The following BIRC6 variants were observed in gnomAD, a reference collection of about 807,000 sequenced individuals.
The protein encoded by BIRC6 is dual E2 ubiquitin-conjugating enzyme/E3 ubiquitin-protein ligase BIRC6.
BIRC6 carries 98 observed loss-of-function variants against 503.3 expected under a neutral mutation model. That is an observed-to-expected ratio of 0.19 (90% CI 0.17 to 0.23). The LOEUF (loss-of-function observed/expected upper bound fraction) is 0.23. Ranked by LOEUF, BIRC6 falls within the 10% of genes least tolerant of loss-of-function variation. BIRC6 has a pLI of 1.00. For synonymous variants in BIRC6, 2,240 were observed against 2,078.7 expected (o/e 1.08, Z -2.11); for missense variants, 5,360 against 5,806.0 (o/e 0.92, Z 2.50).
At chr2:32,482,904 A>C (rs2050566536) in intron 39 of BIRC6, among the ~76,000 whole-genome samples, 1 of 151,926 alleles carries the variant, frequency 6.6e-6, no homozygotes, top group Admixed American at 6.6e-5. Context: ...TACATTAAAT[A>C]AGTATTATTT....
intron 1 of BIRC6, among the ~76,000 whole-genome samples, chr2:32,371,236 A>G (rs2035896314): frequency 1.3e-5 from 2 of 151,518 alleles, no homozygotes; most frequent in Admixed American, 1.3e-4. Flanking sequence ...AAAAAAAAAA[A>G]AAAAGGAAAT....
chr2:32,373,215 A>G (rs772975967), intron 1 of BIRC6, among the ~76,000 whole-genome samples: 8 of 151,774 alleles, frequency 5.3e-5, no homozygotes, highest in Non-Finnish European at 1.0e-4. Flanking sequence ...ACTTTTTTCT[A>G]TTTCTGCAGG....
intron 10 of BIRC6, among the ~76,000 whole-genome samples, chr2:32,417,135 CCTTTT>C (rs1246062634): frequency 3.3e-5 from 5 of 151,996 alleles, no homozygotes; most frequent in Admixed American, 2.6e-4. Context: ...CCATGCCAGG[CCTTTT>C]CTTTTCTTTC....
chr2:32,359,436 AGTGGT>A (rs1230524664), intron 1 of BIRC6, among the ~76,000 whole-genome samples: 2 of 152,320 alleles, frequency 1.3e-5, no homozygotes, highest in African/African-American at 4.8e-5. Context: ...TATTCACTTT[AGTGGT>A]AGATTACTAA....
intron 61 of BIRC6, among the ~76,000 whole-genome samples, chr2:32,538,787 C>T (rs2150180080): frequency 6.6e-6 from 1 of 152,246 alleles, no homozygotes; most frequent in Non-Finnish European, 1.5e-5. Context: ...TGATAATTAG[C>T]CAGCAGTGGT....
chr2:32,433,117 C>A (rs1409364567), intron 12 of BIRC6, among the ~76,000 whole-genome samples: 1 of 152,126 alleles, frequency 6.6e-6, no homozygotes, highest in Non-Finnish European at 1.5e-5. Context: ...CCTGAGTTCA[C>A]TGAAAAATGA....
chr2:32,543,667 T>C, intron 62 of BIRC6, 126 bp downstream of exon 62: 1 of 881,544 alleles, frequency 1.1e-6, no homozygotes, highest in South Asian at 1.7e-5. Context: ...TTGTAAGTGG[T>C]AGCTCACTTC....
At position 32,481,358 on chromosome 2, in the gene BIRC6, A is replaced by G; in HGVS notation, c.7447A>G (p.Ile2483Val). ...PLSSLEKDKE[I>V]DLELLQDLME... ...GTCCTCTTTGGAAAAAGATAAAGAA[A>G]TTGACCTTGAGTTACTTCAGGATCT... Residue 2483 changes from isoleucine (I) to valine (V), a missense_variant, in exon 38 of 74, where the codon ATT becomes GTT. Ile to Val is a conservative substitution (Grantham distance 29). Transcript: ENST00000421745. The G allele has an allele frequency of 6.2e-7, 1 of 1,610,674 alleles. No individual in the cohort carries two copies. The highest frequency in any genetic ancestry group is 8.5e-7 in the Non-Finnish European group (1 of 1,178,044).
intron 6 of BIRC6, among the ~76,000 whole-genome samples, chr2:32,398,702 T>G (rs1304051491): frequency 6.6e-6 from 1 of 152,164 alleles, no homozygotes; most frequent in Non-Finnish European, 1.5e-5. Flanking sequence ...AAAATTGATG[T>G]GGGTCTTTAG....
At chr2:32,441,922 C>A in intron 17 of BIRC6, 143 bp from the exon 18 acceptor site, 1 of 548,148 alleles carries the variant, frequency 1.8e-6, no homozygotes, top group Non-Finnish European at 2.9e-6. Context: ...AAATGAAATA[C>A]TTGACATATA....
intron 22 of BIRC6, among the ~76,000 whole-genome samples, chr2:32,452,964 A>G (rs1025566207): frequency 6.6e-6 from 1 of 152,014 alleles, no homozygotes; most frequent in Non-Finnish European, 1.5e-5. Context: ...TGTGTTTGAT[A>G]GTCCTTCAGC....
At chr2:32,422,810 A>G (rs1411189053) in intron 10 of BIRC6, among the ~76,000 whole-genome samples, 2 of 152,100 alleles carry the variant, frequency 1.3e-5, no homozygotes, top group Non-Finnish European at 2.9e-5. Flanking sequence ...TATACTTAGT[A>G]CTCCAATGTG....
intron 61 of BIRC6, among the ~76,000 whole-genome samples, chr2:32,539,510 A>G (rs908075791): frequency 1.6e-4 from 25 of 152,198 alleles, no homozygotes; most frequent in Admixed American, 1.6e-3. Context: ...TTAAATTGGA[A>G]ACCAATAGCG....
chr2:32,516,801 T>C (rs779064245), intron 55 of BIRC6, among the ~76,000 whole-genome samples: 13 of 152,146 alleles, frequency 8.5e-5, no homozygotes, highest in East Asian at 1.9e-4. Flanking sequence ...CTTGGGCATA[T>C]TGGTTAATCT....
intron 61 of BIRC6, among the ~76,000 whole-genome samples, chr2:32,535,878 T>C (rs531723686): frequency 5.3e-5 from 8 of 152,218 alleles, no homozygotes; most frequent in East Asian, 1.9e-4. Context: ...GAGGAATTGC[T>C]ACACTGACTT....
Position 32,377,601 on chromosome 2 carries a change from A to G in BIRC6, c.339A>G (p.Gly113=). The change falls in exon 2 of 74, where the codon GGA becomes GGG. Residue 113 remains glycine (G), a synonymous_variant. Transcript: ENST00000421745. ...TTCTTTTAACAGCTAAACCAGGTGGACAGGTGAAATGTCAGTATATCTCTG... is the reference window on the plus strand; with the variant it reads ...TTCTTTTAACAGCTAAACCAGGTGGGCAGGTGAAATGTCAGTATATCTCTG... ...QASALSAKPG[G]QVKCQYISAV... is the part of the protein sequence containing the mutation. 1 of 1,605,002 alleles carries G rather than the reference A, an allele frequency of 6.2e-7. No individual in the cohort carries two copies.
At position 32,416,156 on chromosome 2, in the gene BIRC6, C is replaced by A; in HGVS notation, c.2865C>A (p.Cys955Ter). Residue 955 changes from cysteine to a stop codon, truncating the protein, a stop_gained, in exon 10 of 74, where the codon TGC becomes TGA. Transcript: ENST00000421745. LOFTEE classifies it high-confidence loss of function. ...YCSGTDRLCACTKGGELHFLQ... is the reference protein window; with the variant it reads ...YCSGTDRLCA ...CTGGCACAGACAGGCTGTGTGCATG[C>A]ACCAAAGGTAAGTTGTCTGATTATG... 1 of 1,588,150 alleles carries A rather than the reference C, an allele frequency of 6.3e-7. No individual in the cohort carries two copies.
chr2:32,455,587 G>A (rs538290910), intron 23 of BIRC6, among the ~76,000 whole-genome samples: 1 of 152,006 alleles, frequency 6.6e-6, no homozygotes, highest in Non-Finnish European at 1.5e-5. Context: ...AGATTGTGCC[G>A]CTGCACTCTA....
rs776568064 is a variant in BIRC6, at chr2:32,444,031, G to GTTTTTTTTTTTTTTTTTTT, written c.4336+461_4336+462insTTTTTTTTTTTTTTTTTTT. 5.8e-3 allele frequency among the ~76,000 whole-genome samples: 786 copies of GTTTTTTTTTTTTTTTTTTT among 136,666 alleles called. 12 individuals are homozygous for GTTTTTTTTTTTTTTTTTTT. The highest frequency in any genetic ancestry group is 0.021 in the African/African-American group (770 of 36,034). The allele number at this position is 136,666 out of a possible 152,430, so 89.7% of individuals were successfully genotyped here. ...TGGAATTTCCTAAAAGGGACCAGTG[G>GTTTTTTTTTTTTTTTTTTT]TTTTTTTTTTTTTTTTTTAAAGCAC... is the stretch of plus-strand genomic sequence containing the variant. On this transcript the variant is annotated intron_variant, in intron 20 of 73. Transcript: ENST00000421745.
Sources: gnomAD v4.1 joint callset for allele counts (sites outside exome capture counted in the v4.1 genomes callset) on GRCh38, gnomAD v4.1.1 for gene constraint, MANE v1.5 for transcripts, NCBI Gene and HGNC (gene_info 2026-07-23, HGNC 2026-07-21) for gene names.